Variants in ASTN2 observed in about 807,000 individuals in gnomAD.
The protein encoded by ASTN2 is astrotactin-2.
In ASTN2, 54 loss-of-function variants were observed where a neutral mutation model predicts 139.8. The observed-to-expected ratio is 0.39, with a 90% confidence interval of 0.31 to 0.48. The LOEUF is 0.48. Ranked by LOEUF, ASTN2 falls within the 20% of genes least tolerant of loss-of-function variation. The pLI is 0.95. For missense variants in ASTN2, 1,565 were observed against 1,725.1 expected (o/e 0.91, Z 1.64); for synonymous variants, 756 against 719.5 (o/e 1.05, Z -0.81).
chr9:117,073,138 G>C (rs1828181285), intron 5 of ASTN2, among the ~76,000 whole-genome samples: 1 of 152,100 alleles, frequency 6.6e-6, no homozygotes, highest in African/African-American at 2.4e-5. Flanking sequence ...AAAATGCAGG[G>C]TTAGATAACT....
At chr9:116,947,143 T>C (rs1835422391) in intron 10 of ASTN2, among the ~76,000 whole-genome samples, 1 of 152,076 alleles carries the variant, frequency 6.6e-6, no homozygotes, top group African/African-American at 2.4e-5. Context: ...TGAAAATGGT[T>C]TTAGAATCTG....
At chr9:116,615,608 A>G (rs530395642) in intron 19 of ASTN2, among the ~76,000 whole-genome samples, 408 of 152,164 alleles carry the variant, frequency 2.7e-3, no homozygotes, top group African/African-American at 9.6e-3. Flanking sequence ...CATCATTCTC[A>G]GCAAACTATC....
Position 116,729,065 on chromosome 9 carries a change from G to T in ASTN2, c.2553C>A (p.Tyr851Ter). 6.3e-7 allele frequency: 1 copy of T among 1,596,606 alleles called. No individual in the cohort carries two copies. The highest frequency in any genetic ancestry group is 8.5e-7 in the Non-Finnish European group (1 of 1,170,860). ...GDIRYDEAMG[Y>*]PMVQQWRVRS... ...GGACCCGCCACTGCTGCACCATGGG[G>T]TAACCCATGGCCTCATCATACCTGA... Residue 851 changes from tyrosine to a stop codon, truncating the protein, a stop_gained, in exon 15 of 23, where the codon TAC becomes TAA. Transcript: ENST00000313400. LOFTEE classifies it high-confidence loss of function.
At chr9:116,498,798 A>G (rs980007680) in intron 19 of ASTN2, among the ~76,000 whole-genome samples, 6 of 152,230 alleles carry the variant, frequency 3.9e-5, no homozygotes, top group African/African-American at 2.4e-5. Flanking sequence ...TTCAGCTCCA[A>G]GGACATAGCA....
At chr9:116,942,159 C>CCT (rs1239217982) in intron 10 of ASTN2, among the ~76,000 whole-genome samples, 2 of 151,986 alleles carry the variant, frequency 1.3e-5, no homozygotes, top group African/African-American at 4.8e-5. Flanking sequence ...TGAGGTCTCT[C>CCT]CTCTACCCAG....
chr9:116,707,526 C>A (rs1354957938), intron 16 of ASTN2, among the ~76,000 whole-genome samples: 1 of 151,870 alleles, frequency 6.6e-6, no homozygotes, highest in African/African-American at 2.4e-5. Flanking sequence ...CAACCCCTCC[C>A]CACACCACCA....
chr9:116,829,126 C>A (rs1437657177), intron 11 of ASTN2, among the ~76,000 whole-genome samples: 1 of 151,574 alleles, frequency 6.6e-6, no homozygotes, highest in Non-Finnish European at 1.5e-5. Flanking sequence ...ATCCAATTAC[C>A]AACATCATTT....
chr9:116,668,752 A>T (rs1859020557), intron 16 of ASTN2, among the ~76,000 whole-genome samples: 1 of 152,246 alleles, frequency 6.6e-6, no homozygotes, highest in African/African-American at 2.4e-5. Flanking sequence ...GCACAATTGC[A>T]AAGATCACAT....
chr9:116,504,094 T>C (rs1037288353), intron 19 of ASTN2, among the ~76,000 whole-genome samples: 17 of 152,198 alleles, frequency 1.1e-4, no homozygotes, highest in Admixed American at 9.8e-4. Context: ...CTCAGACTAT[T>C]ACTGCTAGCC....
chr9:117,063,346 G>A (rs533033093), intron 5 of ASTN2, among the ~76,000 whole-genome samples: 7 of 152,184 alleles, frequency 4.6e-5, no homozygotes, highest in East Asian at 3.9e-4. Context: ...CATGTATTAC[G>A]GGAGGGACCC....
At chr9:116,775,034 C>A (rs1222156987) in intron 13 of ASTN2, among the ~76,000 whole-genome samples, 1 of 152,146 alleles carries the variant, frequency 6.6e-6, no homozygotes, top group African/African-American at 2.4e-5. Context: ...TTACTGCAGC[C>A]ACTGTGGCTG....
At chr9:116,490,338 A>G (rs1849480386) in intron 19 of ASTN2, among the ~76,000 whole-genome samples, 1 of 140,020 alleles carries the variant, frequency 7.1e-6, no homozygotes, top group African/African-American at 2.6e-5. Context: ...GGTAGGGGAG[A>G]GAAAAGACAT....
intron 13 of ASTN2, among the ~76,000 whole-genome samples, chr9:116,758,063 C>A (rs1332071757): frequency 1.3e-5 from 2 of 152,136 alleles, no homozygotes; most frequent in East Asian, 3.9e-4. Context: ...CTAGTCCAGT[C>A]CCTCCACTGT....
At chr9:117,295,139 T>C (rs1242681889) in intron 1 of ASTN2, among the ~76,000 whole-genome samples, 1 of 152,012 alleles carries the variant, frequency 6.6e-6, no homozygotes. Context: ...CCGGCCAACA[T>C]GGTGAAAGCC....
At chr9:116,693,757 A>C (rs80267639) in intron 16 of ASTN2, among the ~76,000 whole-genome samples, 30,493 of 152,146 alleles carry the variant, frequency 0.2, 3,959 homozygotes, top group Admixed American at 0.36. Context: ...TGGGCAGCTT[A>C]CTTAAAGATT....
At chr9:116,659,017 G>T (rs1858400047) in intron 16 of ASTN2, among the ~76,000 whole-genome samples, 1 of 151,988 alleles carries the variant, frequency 6.6e-6, no homozygotes, top group African/African-American at 2.4e-5. Context: ...TCATCTAGAG[G>T]TAGAGGAAAA....
At chr9:116,594,335 G>A (rs12344882) in intron 19 of ASTN2, among the ~76,000 whole-genome samples, 3,449 of 152,254 alleles carry the variant, frequency 0.023, 134 homozygotes, top group African/African-American at 0.079. Context: ...AAAACAGAAT[G>A]AGTACACATC....
At chr9:116,538,236 G>A (rs1354005628) in intron 19 of ASTN2, among the ~76,000 whole-genome samples, 1 of 150,828 alleles carries the variant, frequency 6.6e-6, no homozygotes, top group South Asian at 2.1e-4. Context: ...CTGAGAGGGA[G>A]AAAAAGAAAG....
In ASTN2 at chr9:116,619,241, C is replaced by T. The variant is rs186915850; in HGVS notation, c.3207-769G>A. 9.2e-5 allele frequency among the ~76,000 whole-genome samples: 14 copies of T among 152,182 alleles called. No homozygotes were observed. In the East Asian group the frequency reaches 2.3e-3, roughly 25 times the overall value. On this transcript the variant is annotated intron_variant, in intron 18 of 22. Transcript: ENST00000313400. ...GTTTTCCAGTATTGGTTCCTGCCCC[C>T]TCTTATGCTTGTCACACCACTTCTC...
Sources: gnomAD v4.1 joint callset for allele counts (sites outside exome capture counted in the v4.1 genomes callset) on GRCh38, gnomAD v4.1.1 for gene constraint, MANE v1.5 for transcripts, NCBI Gene and HGNC (gene_info 2026-07-23, HGNC 2026-07-21) for gene names.